The following MPPED2 variants were observed in gnomAD, a reference collection of about 807,000 sequenced individuals.
MPPED2 encodes metallophosphoesterase domain containing 2.
A neutral mutation model predicts 33.0 loss-of-function variants in MPPED2; 5 were observed. The observed-to-expected ratio is 0.15, with a 90% CI of 0.08 to 0.32. The LOEUF is 0.32. Ranked by LOEUF, MPPED2 falls within the 10% of genes least tolerant of loss-of-function variation. The pLI is 1.00. For synonymous variants in MPPED2, 136 were observed against 141.9 expected, an observed-to-expected ratio of 0.96 and a Z score of 0.29; for missense variants, 275 against 372.1, an observed-to-expected ratio of 0.74 and a Z score of 2.15.
At chr11:30,538,666 T>C (rs1000772704) in intron 2 of MPPED2, among the ~76,000 whole-genome samples, 1 of 151,946 alleles carries the variant, frequency 6.6e-6, no homozygotes, top group Non-Finnish European at 1.5e-5. Context: ...TGAGCTGAAA[T>C]AGTAAGTGTT....
At position 30,455,552 on chromosome 11, in the gene MPPED2, A is replaced by G. The variant is rs150718092; in HGVS notation, c.537-37919T>C. Among the ~76,000 whole-genome samples the G allele has an allele frequency of 7.4e-4, 113 of 152,374 alleles. 2 individuals are homozygous for G. Among genetic ancestry groups the G allele is most frequent in the African/African-American group, 2.4e-3 (99 of 41,594 alleles). ...TGTTTTCCATTCATACATTAAAAAGAAAAAGCTAAGTATATATCCTTATGT... is the reference window on the plus strand; with the variant it reads ...TGTTTTCCATTCATACATTAAAAAGGAAAAGCTAAGTATATATCCTTATGT... On this transcript the variant is annotated intron_variant, in intron 4 of 6. Transcript: ENST00000358117.
chr11:30,455,936 A>T (rs1282940006), intron 4 of MPPED2, among the ~76,000 whole-genome samples: 2 of 152,078 alleles, frequency 1.3e-5, no homozygotes, highest in African/African-American at 4.8e-5. Flanking sequence ...CTGTTTCTCC[A>T]CTCTAACACA....
chr11:30,561,174 C>T (rs1308590082), intron 2 of MPPED2, among the ~76,000 whole-genome samples: 1 of 152,110 alleles, frequency 6.6e-6, no homozygotes, highest in African/African-American at 2.4e-5. Context: ...ATATGGACTG[C>T]ATAGATATAT....
chr11:30,495,149 G>T (rs1228532581), intron 4 of MPPED2, 147 bp downstream of exon 4: 2 of 636,852 alleles, frequency 3.1e-6, no homozygotes, highest in Admixed American at 5.8e-5. Context: ...GCATTTTGCA[G>T]CAGTACAGTA....
chr11:30,414,097 T>A (rs1948234013), intron 6 of MPPED2, 131 bp downstream of exon 6: 1 of 641,144 alleles, frequency 1.6e-6, no homozygotes, highest in East Asian at 2.7e-5. Context: ...ATGTTTCTCA[T>A]AAGACTTCAT....
chr11:30,586,862 TC>T (rs1259275773), upstream of MPPED2: 2 of 152,206 alleles, frequency 1.3e-5, no homozygotes, highest in African/African-American at 4.8e-5. The surrounding 1 kb of genome is among the most constrained non-coding windows in gnomAD (Gnocchi z 4.8). Context: ...TTCCCTCCCA[TC>T]TGCTGATCTG....
rs1197116366 is a variant in MPPED2 at position 30,411,011 on chromosome 11, A to G, written c.*457T>C. On this transcript the variant is annotated 3_prime_UTR_variant, in exon 7 of 7. Transcript: ENST00000358117. The stretch of plus-strand genomic sequence containing the variant: ...TAAATTGGGACCACATCTGCAAAAA[A>G]GAAGCATTACCAAGAAAACAACAAC... The G allele has an allele frequency of 1.0e-6, 1 of 985,820 alleles. No individual in the cohort carries two copies. Among genetic ancestry groups the G allele is most frequent in the African/African-American group, 1.7e-5 (1 of 57,260 alleles). The allele number at this position is 985,820 out of a possible 1,614,324, so 61.1% of individuals were successfully genotyped here. A position where few individuals can be genotyped will look rare whatever the true frequency, so the allele number is the denominator to read the frequency against.
chr11:30,398,185 C>T (rs1947862207), intron 6 of MPPED2, among the ~76,000 whole-genome samples: 1 of 152,146 alleles, frequency 6.6e-6, no homozygotes, highest in Non-Finnish European at 1.5e-5. Flanking sequence ...CACTCATATT[C>T]TTTCAGCCAA....
intron 4 of MPPED2, among the ~76,000 whole-genome samples, chr11:30,461,526 G>A (rs2134004424): frequency 6.6e-6 from 1 of 152,240 alleles, no homozygotes; most frequent in East Asian, 1.9e-4. Flanking sequence ...TGCTCGAGTG[G>A]AAAGCACTCC....
At chr11:30,452,154 C>A (rs962137155) in intron 4 of MPPED2, 5 of 932,472 alleles carry the variant, frequency 5.4e-6, no homozygotes, top group Non-Finnish European at 6.4e-6. Flanking sequence ...TTCTCACTGC[C>A]TAAGACTAAA....
intron 4 of MPPED2, among the ~76,000 whole-genome samples, chr11:30,450,728 C>T (rs1950019195): frequency 6.6e-6 from 1 of 152,210 alleles, no homozygotes; most frequent in Non-Finnish European, 1.5e-5. Context: ...AGTTTAACAG[C>T]ATATGTTTTA....
chr11:30,485,644 G>A (rs1486681898), intron 4 of MPPED2, among the ~76,000 whole-genome samples: 1 of 152,146 alleles, frequency 6.6e-6, no homozygotes, highest in African/African-American at 2.4e-5. Flanking sequence ...CTTCCTGCTG[G>A]GGAGGCCCTG....
intron 6 of MPPED2, among the ~76,000 whole-genome samples, chr11:30,413,585 A>G (rs1394937631): frequency 6.6e-6 from 1 of 152,222 alleles, no homozygotes; most frequent in African/African-American, 2.4e-5. Context: ...ACCAGTTCCT[A>G]TTTAAGAGAG....
chr11:30,388,558 G>T, exon 7 of MPPED2: 1 of 182,246 alleles, frequency 5.5e-6, no homozygotes, highest in Non-Finnish European at 1.1e-5. Context: ...AGCTCTGTCT[G>T]CAGACCTGGG....
At chr11:30,576,676 A>G (rs1233054105) in intron 2 of MPPED2, among the ~76,000 whole-genome samples, 2 of 151,924 alleles carry the variant, frequency 1.3e-5, no homozygotes, top group African/African-American at 4.8e-5. Flanking sequence ...AATACTAAAT[A>G]ATTTTTCTTA....
At chr11:30,571,494 G>GA (rs1032267918) in intron 2 of MPPED2, among the ~76,000 whole-genome samples, 44 of 150,274 alleles carry the variant, frequency 2.9e-4, no homozygotes, top group African/African-American at 9.0e-4. Flanking sequence ...AACAAAAAAA[G>GA]AAAAAAAAAG....
intron 4 of MPPED2, among the ~76,000 whole-genome samples, chr11:30,444,713 G>A (rs1265722645): frequency 2.0e-5 from 3 of 152,108 alleles, no homozygotes; most frequent in Admixed American, 6.5e-5. Flanking sequence ...ATTTTGGGCT[G>A]TGTTGGTTTC....
At chr11:30,474,154 T>C (rs1951073289) in intron 4 of MPPED2, among the ~76,000 whole-genome samples, 1 of 152,222 alleles carries the variant, frequency 6.6e-6, no homozygotes, top group African/African-American at 2.4e-5. Context: ...TTGCTGGGCT[T>C]AATGGAAGTT....
At position 30,586,234 on chromosome 11, in the gene MPPED2, G is replaced by C. The variant is rs892133639; in HGVS notation, c.-314C>G. On this transcript the variant is annotated 5_prime_UTR_variant, in exon 1 of 7. Coordinates refer to ENST00000358117, the MANE Select transcript of MPPED2 (RefSeq NM_001584.3). This position sits in a 1 kb window ranked among gnomAD's most constrained non-coding sequence, Gnocchi z 4.8. ...GGGGCTGGGGGCCAGGGGGCGCGGC[G>C]CTAGAGGGAGGCGGGGGGAGAAAGG... 1.3e-5 allele frequency: 2 copies of C among 153,024 alleles called. No individual in the cohort carries two copies. The highest frequency in any genetic ancestry group is 1.5e-5 in the Non-Finnish European group (1 of 68,738). The allele number at this position is 153,024 out of a possible 1,614,324, so 9.5% of individuals were successfully genotyped here.
Sources: allele counts gnomAD v4.1 joint callset (sites outside exome capture counted in the v4.1 genomes callset), GRCh38; gene constraint gnomAD v4.1.1; non-coding constraint Gnocchi (gnomAD v3.1); transcripts MANE v1.5; gene names NCBI Gene and HGNC (gene_info 2026-07-23, HGNC 2026-07-21).